The following GALNT12 variants were observed in gnomAD, a reference collection of about 807,000 sequenced individuals.
The protein encoded by GALNT12 is polypeptide N-acetylgalactosaminyltransferase 12.
Under a neutral mutation model 55.5 loss-of-function variants are expected in GALNT12, and 45 were observed. The observed-to-expected ratio is 0.81, with a 90% CI of 0.64 to 1.04. GALNT12 has a LOEUF of 1.04. Among genes scored for constraint, GALNT12 ranks in the 50% least tolerant of loss-of-function variants. The probability of loss-of-function intolerance (pLI) is 0.00; values close to 1 mark genes in which losing one functional copy is unlikely to be tolerated. For missense variants in GALNT12, 709 were observed against 754.8 expected (o/e 0.94, Z 0.71); for synonymous variants, 304 against 312.2 (o/e 0.97, Z 0.28).
At chr9:98,821,624 C>CAAAAAAAAAAAA (rs11467276) in intron 1 of GALNT12, among the ~76,000 whole-genome samples, 15 of 112,016 alleles carry the variant, frequency 1.3e-4, no homozygotes, top group East Asian at 3.1e-4. Context: ...GACTCCATCT[C>CAAAAAAAAAAAA]AAAAAAAAAA....
At chr9:98,819,971 A>C (rs928596476) in intron 1 of GALNT12, among the ~76,000 whole-genome samples, 3 of 152,224 alleles carry the variant, frequency 2.0e-5, no homozygotes, top group African/African-American at 7.2e-5. Flanking sequence ...GGTAAAATGA[A>C]GTACTACATG....
chr9:98,831,748 G>A, intron 3 of GALNT12, 24 bp from the exon 4 acceptor site: 1 of 1,614,098 alleles, frequency 6.2e-7, no homozygotes, highest in Non-Finnish European at 8.5e-7. Flanking sequence ...AGGAGAGACG[G>A]ATGGATGTCT....
intron 9 of GALNT12, among the ~76,000 whole-genome samples, chr9:98,846,851 C>T (rs1197845321): frequency 1.7e-4 from 17 of 97,886 alleles, no homozygotes; most frequent in Non-Finnish European, 2.2e-4. Context: ...AGCGAGACTC[C>T]GTCTCAAAAA....
At chr9:98,822,405 C>A (rs1222750042) in intron 1 of GALNT12, among the ~76,000 whole-genome samples, 18 of 152,198 alleles carry the variant, frequency 1.2e-4, no homozygotes. Context: ...AACCAGGGAA[C>A]CTTCAGTTCA....
In GALNT12 at chr9:98,849,324, G is replaced by T; in HGVS notation, c.*232G>T. On this transcript the variant is annotated 3_prime_UTR_variant, in exon 10 of 10. Coordinates refer to ENST00000375011, the MANE Select transcript of GALNT12 (RefSeq NM_024642.5). ...TTCCAAAATACCCTATTTTCAAAGG[G>T]TAATCGTAAGATGTTAACCCTTGGT... is the stretch of plus-strand genomic sequence containing the variant. The T allele has an allele frequency of 1.7e-6, 1 of 602,304 alleles. No homozygotes were observed. The highest frequency in any genetic ancestry group is 3.0e-5 in the Admixed American group (1 of 33,708). The allele number at this position is 602,304 out of a possible 1,614,324, so 37.3% of individuals were successfully genotyped here.
intron 8 of GALNT12, 68 bp from the exon 9 acceptor site, chr9:98,845,909 C>T: frequency 6.4e-7 from 1 of 1,554,820 alleles, no homozygotes; most frequent in Non-Finnish European, 8.8e-7. Flanking sequence ...AGGTTCTTGT[C>T]CAGCGATCTT....
intron 7 of GALNT12, 129 bp downstream of exon 7, chr9:98,840,262 A>G: frequency 3.4e-6 from 3 of 895,168 alleles, no homozygotes; most frequent in East Asian, 2.7e-5. Context: ...CCGCCTGCCC[A>G]CCCCCCACCA....
chr9:98,835,114 G>A (rs1836105628), intron 4 of GALNT12, 135 bp from the exon 5 acceptor site: 1 of 761,124 alleles, frequency 1.3e-6, no homozygotes. Context: ...CCTAGTGTGG[G>A]GCACAGAGGT....
At chr9:98,823,966 G>A (rs1835805875) in intron 2 of GALNT12, among the ~76,000 whole-genome samples, 1 of 152,182 alleles carries the variant, frequency 6.6e-6, no homozygotes, top group South Asian at 2.1e-4. Flanking sequence ...GAATCCTTGG[G>A]GCCTAGCTGA....
chr9:98,811,858 T>C (rs1835504308), intron 1 of GALNT12, among the ~76,000 whole-genome samples: 1 of 152,100 alleles, frequency 6.6e-6, no homozygotes, highest in Non-Finnish European at 1.5e-5. Flanking sequence ...AATTTTTGTA[T>C]TTTTAGTAGA....
chr9:98,823,378 A>AG lies in GALNT12; in HGVS notation c.494_495insG (p.Asp165GlufsTer12), dbSNP rs1835789254. On this transcript the variant is annotated frameshift_variant, in exon 2 of 10. Transcript: ENST00000375011. LOFTEE classifies it high-confidence loss of function. ...TACAGTGTCCTTGAGACATCCCCGG[A>AG]TATCCTGCTAGAAGAAGTGATCCTT... 6.2e-7 allele frequency: 1 copy of AG among 1,614,082 alleles called. No individual in the cohort carries two copies. The highest frequency in any genetic ancestry group is 8.5e-7 in the Non-Finnish European group (1 of 1,180,018).
chr9:98,814,890 T>C (rs528547768), intron 1 of GALNT12, among the ~76,000 whole-genome samples: 40 of 152,330 alleles, frequency 2.6e-4, no homozygotes, highest in Middle Eastern at 3.4e-3. Context: ...ATGGTACTGT[T>C]ACTACCAGGT....
intron 6 of GALNT12, among the ~76,000 whole-genome samples, 179 bp from the exon 7 acceptor site, chr9:98,839,823 A>G (rs1836243079): frequency 6.6e-6 from 1 of 152,222 alleles, no homozygotes; most frequent in African/African-American, 2.4e-5. Flanking sequence ...CTCTCATACT[A>G]GAAGCTAGAA....
chr9:98,843,416 G>A (rs76112751), intron 7 of GALNT12, among the ~76,000 whole-genome samples: 1 of 146,092 alleles, frequency 6.8e-6, no homozygotes, highest in Non-Finnish European at 1.5e-5. Context: ...TTTTTTTTTG[G>A]TGGTGGGGAG....
At chr9:98,839,022 A>G (rs994316507) in intron 6 of GALNT12, among the ~76,000 whole-genome samples, 2 of 152,114 alleles carry the variant, frequency 1.3e-5, no homozygotes, top group African/African-American at 2.4e-5. Flanking sequence ...TCTGGGCTCC[A>G]TGGTCATTTG....
Position 98,833,721 on chromosome 9 carries a change from C to T in GALNT12, c.918-1528C>T, listed in dbSNP as rs78592679. ...CTTCTGTAGGAGCCCTTAGTGAGAACATCCTGCTCAATCCCTCACTGAATA... is the reference window on the plus strand; with the variant it reads ...CTTCTGTAGGAGCCCTTAGTGAGAATATCCTGCTCAATCCCTCACTGAATA... On this transcript the variant is annotated intron_variant, in intron 4 of 9. Transcript: ENST00000375011. Among the ~76,000 whole-genome samples, 356 of 152,230 alleles carry T rather than the reference C, an allele frequency of 2.3e-3. 2 individuals carry two copies. Among genetic ancestry groups the T allele is most frequent in the African/African-American group, 8.4e-3 (347 of 41,534 alleles).
intron 7 of GALNT12, among the ~76,000 whole-genome samples, chr9:98,841,106 C>T (rs113997779): frequency 3.9e-5 from 6 of 152,310 alleles, no homozygotes; most frequent in African/African-American, 1.4e-4. Context: ...TGTCTTGTCT[C>T]CTAAATCTCT....
intron 1 of GALNT12, among the ~76,000 whole-genome samples, chr9:98,813,736 G>A (rs550219798): frequency 1.3e-5 from 2 of 152,116 alleles, no homozygotes; most frequent in East Asian, 3.9e-4. Context: ...CTGACCTTAG[G>A]TGATCCACCT....
chr9:98,825,224 T>C (rs1380321753), intron 2 of GALNT12, among the ~76,000 whole-genome samples: 1 of 152,192 alleles, frequency 6.6e-6, no homozygotes, highest in Non-Finnish European at 1.5e-5. Flanking sequence ...TATATTAATC[T>C]AAAGTCAAAG....
Sources: allele counts gnomAD v4.1 joint callset (sites outside exome capture counted in the v4.1 genomes callset), GRCh38; gene constraint gnomAD v4.1.1; transcripts MANE v1.5; gene names NCBI Gene and HGNC (gene_info 2026-07-23, HGNC 2026-07-21).